RNLS: variants seen among roughly 807,000 people sequenced by gnomAD.
RNLS encodes renalase.
RNLS carries 39 observed loss-of-function variants against 39.8 expected under a neutral mutation model. That is an observed-to-expected ratio of 0.98 (90% CI 0.76 to 1.28). RNLS has a LOEUF of 1.28. Ranked by LOEUF, RNLS falls within the 50% of genes most tolerant of loss-of-function variation. The probability of loss-of-function intolerance (pLI) is 0.00; values close to 1 mark genes in which losing one functional copy is unlikely to be tolerated. For missense variants in RNLS, 410 were observed against 413.3 expected (o/e 0.99, Z 0.07); for synonymous variants, 147 against 150.7 (o/e 0.98, Z 0.18).
intron 4 of RNLS, among the ~76,000 whole-genome samples, chr10:88,466,822 T>C (rs2133959629): frequency 6.6e-6 from 1 of 152,232 alleles, no homozygotes; most frequent in East Asian, 1.9e-4. Context: ...TGGGAAAAAA[T>C]AGAGACGCAA....
chr10:88,198,678 C>T, the RNLS span, among the ~76,000 whole-genome samples: 44 of 152,036 alleles, frequency 2.9e-4, no homozygotes, highest in Non-Finnish European at 4.4e-4. Flanking sequence ...TAGCACCTCC[C>T]CCTTCTCTTT....
chr10:88,368,783 T>A (rs982209063), intron 4 of RNLS, among the ~76,000 whole-genome samples: 1 of 152,150 alleles, frequency 6.6e-6, no homozygotes, highest in Non-Finnish European at 1.5e-5. Flanking sequence ...TTTTTATCTA[T>A]GTTTCTAATT....
chr10:88,446,656 C>T (rs559972749), intron 4 of RNLS, among the ~76,000 whole-genome samples: 3 of 152,246 alleles, frequency 2.0e-5, no homozygotes, highest in Non-Finnish European at 2.9e-5. Context: ...CACAGAAATG[C>T]AAACTACCAT....
intron 4 of RNLS, among the ~76,000 whole-genome samples, chr10:88,475,557 G>A (rs563179170): frequency 5.3e-5 from 8 of 151,554 alleles, no homozygotes; most frequent in Non-Finnish European, 1.0e-4. Flanking sequence ...TTTTCTTTTC[G>A]GATTCATTCC....
chr10:88,325,202 A>AT (rs146699945), intron 5 of RNLS, among the ~76,000 whole-genome samples: 1 of 152,146 alleles, frequency 6.6e-6, no homozygotes, highest in Non-Finnish European at 1.5e-5. Context: ...TCTATCTTTA[A>AT]TTTTTTGATA....
At chr10:88,497,943 GA>G (rs57767791) in intron 4 of RNLS, among the ~76,000 whole-genome samples, 53,673 of 150,026 alleles carry the variant, frequency 0.36, 11,209 homozygotes, top group African/African-American at 0.58. Context: ...TTATTGAAGA[GA>G]AAAAAAAAAA....
chr10:88,320,895 A>T (rs1564691993), intron 5 of RNLS, among the ~76,000 whole-genome samples: 1 of 148,266 alleles, frequency 6.7e-6, no homozygotes, highest in Non-Finnish European at 1.5e-5. Flanking sequence ...TAGAACACTG[A>T]GGCAGAAAAC....
intron 5 of RNLS, among the ~76,000 whole-genome samples, chr10:88,337,023 G>C (rs750592181): frequency 5.9e-5 from 9 of 152,144 alleles, no homozygotes; most frequent in Non-Finnish European, 1.2e-4. Context: ...TGACAGGCAA[G>C]GCTGGGCCTG....
At chr10:88,388,181 T>C in intron 4 of RNLS, among the ~76,000 whole-genome samples, 1 of 152,158 alleles carries the variant, frequency 6.6e-6, no homozygotes, top group Non-Finnish European at 1.5e-5. Context: ...GTCATCTTTG[T>C]CTTAATTTTC....
At chr10:88,303,050 C>T (rs1844645989) in intron 6 of RNLS, among the ~76,000 whole-genome samples, 1 of 152,240 alleles carries the variant, frequency 6.6e-6, no homozygotes, top group Non-Finnish European at 1.5e-5. Flanking sequence ...GGCTACTGCA[C>T]ACCTGGACTC....
chr10:88,188,009 T>C, the RNLS span, among the ~76,000 whole-genome samples: 1 of 152,188 alleles, frequency 6.6e-6, no homozygotes, highest in African/African-American at 2.4e-5. Context: ...TTGGTGTGCA[T>C]TTATTTGACA....
At chr10:88,247,555 C>T in the RNLS span, among the ~76,000 whole-genome samples, 19 of 152,292 alleles carry the variant, frequency 1.2e-4, no homozygotes, top group Admixed American at 3.9e-4. Flanking sequence ...GGAACAATAA[C>T]AATGCCTACC....
chr10:88,529,220 C>G (rs773478452), intron 4 of RNLS, among the ~76,000 whole-genome samples: 1 of 152,168 alleles, frequency 6.6e-6, no homozygotes, highest in Non-Finnish European at 1.5e-5. Context: ...ACAGGGTATG[C>G]AAAATCCAGC....
intron 4 of RNLS, among the ~76,000 whole-genome samples, chr10:88,449,151 TAAAC>T (rs1481913618): frequency 6.6e-6 from 1 of 152,030 alleles, no homozygotes; most frequent in Admixed American, 6.6e-5. Context: ...AGTATAATAA[TAAAC>T]AAAACAAAAC....
chr10:88,260,001 A>G, the RNLS span, among the ~76,000 whole-genome samples: 2 of 152,152 alleles, frequency 1.3e-5, no homozygotes, highest in African/African-American at 4.8e-5. Context: ...CGGCCTCCCA[A>G]AGTGCTGGGA....
In RNLS at chr10:88,420,189, G is replaced by A. The variant is rs186142906; in HGVS notation, c.527-57464C>T. Among the ~76,000 whole-genome samples the A allele has an allele frequency of 1.8e-3, 281 of 152,000 alleles. 1 individual carries two copies. The highest frequency in any genetic ancestry group is 3.0e-3 in the Non-Finnish European group (202 of 67,970). On this transcript the variant is annotated intron_variant, in intron 4 of 6. Transcript: ENST00000331772. ...GGAGGAGGGCTAGTATATAATAGGC[G>A]TGCAATTTATAGAGCCAATATTTTT...
intron 4 of RNLS, among the ~76,000 whole-genome samples, chr10:88,529,188 G>C (rs1847277104): frequency 1.3e-5 from 2 of 152,100 alleles, no homozygotes; most frequent in Non-Finnish European, 2.9e-5. Context: ...ATTTAGGAGA[G>C]AGGGAGGCAC....
intron 4 of RNLS, among the ~76,000 whole-genome samples, chr10:88,533,057 T>C (rs1334050369): frequency 6.6e-6 from 1 of 152,096 alleles, no homozygotes; most frequent in Non-Finnish European, 1.5e-5. Flanking sequence ...CCCAACAAAA[T>C]AAACATTTAA....
the RNLS span, among the ~76,000 whole-genome samples, chr10:88,251,034 G>A: frequency 9.2e-5 from 14 of 151,918 alleles, no homozygotes. Flanking sequence ...TTATCTTTTG[G>A]GATCAAAATA....
Sources: allele counts gnomAD v4.1 joint callset (sites outside exome capture counted in the v4.1 genomes callset), GRCh38; gene constraint gnomAD v4.1.1; transcripts MANE v1.5; gene names NCBI Gene and HGNC (gene_info 2026-07-23, HGNC 2026-07-21).